CSMD3: variants seen among roughly 807,000 people sequenced by gnomAD.
The protein encoded by CSMD3 is CUB and Sushi multiple domains 3, also known as CUB and sushi domain-containing protein 3.
In CSMD3, 177 loss-of-function variants were observed where a neutral mutation model predicts 435.2. That is an observed-to-expected ratio of 0.41 (90% confidence interval 0.36 to 0.46). The LOEUF (loss-of-function observed/expected upper bound fraction) is 0.46. Ranked by LOEUF, CSMD3 falls within the 20% of genes least tolerant of loss-of-function variation. CSMD3 has a pLI of 0.34. For missense variants in CSMD3, 4,265 were observed against 4,504.6 expected, an observed-to-expected ratio of 0.95 and a Z score of 1.52; for synonymous variants, 1,656 against 1,520.5, an observed-to-expected ratio of 1.09 and a Z score of -2.07.
chr8:112,997,446 T>A (rs2085695601), intron 6 of CSMD3, among the ~76,000 whole-genome samples: 1 of 151,666 alleles, frequency 6.6e-6, no homozygotes, highest in East Asian at 1.9e-4. Flanking sequence ...TGCAACTATC[T>A]TTATGAAATT....
intron 5 of CSMD3, among the ~76,000 whole-genome samples, chr8:113,057,579 C>T (rs2088402111): frequency 6.6e-6 from 1 of 151,880 alleles, no homozygotes; most frequent in Admixed American, 6.6e-5. Context: ...TTATCACTCA[C>T]CATTATCCAG....
chr8:112,354,547 C>T (rs1440939564), intron 38 of CSMD3, among the ~76,000 whole-genome samples: 1 of 152,156 alleles, frequency 6.6e-6, no homozygotes, highest in African/African-American at 2.4e-5. Context: ...CATTTATATA[C>T]ACCAACAACA....
chr8:113,047,456 A>G (rs1384347856), intron 5 of CSMD3, among the ~76,000 whole-genome samples: 1 of 152,224 alleles, frequency 6.6e-6, no homozygotes, highest in East Asian at 1.9e-4. Context: ...AAAGTCAACC[A>G]CATAGACAGT....
chr8:112,726,869 AATG>A (rs1486405813), intron 13 of CSMD3, among the ~76,000 whole-genome samples: 1 of 151,852 alleles, frequency 6.6e-6, no homozygotes, highest in African/African-American at 2.4e-5. Flanking sequence ...TAAGCAACAA[AATG>A]ATATTACATC....
Position 112,552,760 on chromosome 8 carries a change from C to T in CSMD3, c.4235-40G>A, listed in dbSNP as rs767634514. On this transcript the variant is annotated intron_variant, in intron 25 of 70. Transcript: ENST00000297405. Reference sequence around the variant, plus strand: ...TAGAAATTTAAGCCACAATTTAATGCCAATCTTTTCAAAACAATCTACAAA... The same window carrying T: ...TAGAAATTTAAGCCACAATTTAATGTCAATCTTTTCAAAACAATCTACAAA... 1.4e-5 allele frequency: 22 copies of T among 1,586,302 alleles called. No individual in the cohort carries two copies. The African/African-American group carries it at 1.9e-4, about 14-fold the overall frequency.
chr8:113,042,837 G>T (rs2087678839), intron 5 of CSMD3, among the ~76,000 whole-genome samples: 1 of 152,130 alleles, frequency 6.6e-6, no homozygotes, highest in African/African-American at 2.4e-5. Context: ...CCTTAAATGT[G>T]CTGCTTTTAA....
intron 5 of CSMD3, among the ~76,000 whole-genome samples, chr8:113,032,212 G>T (rs1393984522): frequency 6.6e-6 from 1 of 151,678 alleles, no homozygotes; most frequent in Non-Finnish European, 1.5e-5. Flanking sequence ...GACTTTGGAA[G>T]TGGGTAAAAG....
chr8:113,280,780 T>TGTAG, intron 2 of CSMD3, among the ~76,000 whole-genome samples: 1 of 152,078 alleles, frequency 6.6e-6, no homozygotes, highest in South Asian at 2.1e-4. Flanking sequence ...GTCTTTTTGA[T>TGTAG]GTAGGCACTT....
chr8:112,715,159 AATAG>A (rs1195817067), intron 13 of CSMD3, among the ~76,000 whole-genome samples: 6 of 152,162 alleles, frequency 3.9e-5, no homozygotes, highest in African/African-American at 7.2e-5. Flanking sequence ...AAATTAACAA[AATAG>A]ATAGACCACT....
intron 4 of CSMD3, among the ~76,000 whole-genome samples, chr8:113,153,134 G>GAAAGAAAGAAAGAAAGA (rs1564370995): frequency 2.1e-5 from 2 of 94,072 alleles, no homozygotes; most frequent in African/African-American, 1.3e-4. Context: ...AGAGAAAGAA[G>GAAAGAAAGAAAGAAAGA]GAAGGAAGGA....
intron 38 of CSMD3, among the ~76,000 whole-genome samples, chr8:112,360,034 CAT>C (rs1827034720): frequency 6.6e-6 from 1 of 152,030 alleles, no homozygotes; most frequent in African/African-American, 2.4e-5. Flanking sequence ...CATCTGATTT[CAT>C]AGAGTCTTCA....
intron 9 of CSMD3, among the ~76,000 whole-genome samples, chr8:112,937,834 C>T (rs768991819): frequency 5.9e-5 from 9 of 151,954 alleles, no homozygotes; most frequent in Non-Finnish European, 1.0e-4. Flanking sequence ...AAATTCAATG[C>T]AGCAAGTGAT....
intron 1 of CSMD3, among the ~76,000 whole-genome samples, chr8:113,362,718 T>C (rs2132997878): frequency 6.6e-6 from 1 of 152,318 alleles, no homozygotes; most frequent in Admixed American, 6.5e-5. Context: ...AAAAGATAAC[T>C]GTCCCCACTC....
At chr8:112,416,112 G>A (rs527605067) in intron 32 of CSMD3, among the ~76,000 whole-genome samples, 8 of 152,060 alleles carry the variant, frequency 5.3e-5, no homozygotes, top group African/African-American at 1.9e-4. Context: ...CATGGGCTGT[G>A]TCCTCATCCA....
At chr8:113,046,931 C>G (rs2087862702) in intron 5 of CSMD3, among the ~76,000 whole-genome samples, 1 of 152,154 alleles carries the variant, frequency 6.6e-6, no homozygotes, top group Non-Finnish European at 1.5e-5. Flanking sequence ...GCAGGCTGTG[C>G]CAGGAAGAGT....
Position 113,244,161 on chromosome 8 carries a change from T to C in CSMD3, c.514+34431A>G, listed in dbSNP as rs558871041. On this transcript the variant is annotated intron_variant, in intron 3 of 70. Coordinates refer to ENST00000297405, the MANE Select transcript of CSMD3 (RefSeq NM_198123.2). ...GTAGCACAAATGTTTTTAACTCTGA[T>C]GAAATTCAAATTTCAACTTTTACTA... Among the ~76,000 whole-genome samples, 3 of 152,340 alleles carry C rather than the reference T, an allele frequency of 2.0e-5. No homozygotes were observed. The South Asian group carries it at 6.2e-4, about 32-fold the overall frequency.
At chr8:112,599,995 T>C (rs548435758) in intron 22 of CSMD3, among the ~76,000 whole-genome samples, 18 of 151,052 alleles carry the variant, frequency 1.2e-4, no homozygotes, top group Non-Finnish European at 1.9e-4. Flanking sequence ...AATGTGCACA[T>C]GTACCCTAAA....
intron 38 of CSMD3, among the ~76,000 whole-genome samples, chr8:112,356,795 C>A (rs888698080): frequency 5.9e-5 from 9 of 152,080 alleles, no homozygotes; most frequent in Non-Finnish European, 1.2e-4. Flanking sequence ...TGCTGTCACC[C>A]ATGTAAGACA....
intron 13 of CSMD3, among the ~76,000 whole-genome samples, chr8:112,715,102 A>T (rs1204717558): frequency 6.6e-6 from 1 of 152,196 alleles, no homozygotes; most frequent in Non-Finnish European, 1.5e-5. Flanking sequence ...TAGAGGCACA[A>T]AAAACCCTTC....
Sources: allele counts gnomAD v4.1 joint callset (sites outside exome capture counted in the v4.1 genomes callset), GRCh38; gene constraint gnomAD v4.1.1; transcripts MANE v1.5; gene names NCBI Gene and HGNC (gene_info 2026-07-23, HGNC 2026-07-21).